Variants in TSGA10 observed in about 807,000 individuals in gnomAD.
The protein encoded by TSGA10 is testis-specific gene 10 protein.
Under a neutral mutation model 96.6 loss-of-function variants are expected in TSGA10, and 43 were observed. That is an observed-to-expected ratio of 0.44 (90% CI 0.35 to 0.57). TSGA10 has a LOEUF of 0.57. Ranked by LOEUF, TSGA10 falls within the 20% of genes least tolerant of loss-of-function variation. TSGA10 has a pLI of 0.01. For missense variants in TSGA10, 703 were observed against 834.4 expected (o/e 0.84, Z 1.94); for synonymous variants, 229 against 269.9 (o/e 0.85, Z 1.48).
chr2:99,058,046 T>A (rs184525975), intron 16 of TSGA10, among the ~76,000 whole-genome samples: 3 of 152,122 alleles, frequency 2.0e-5, no homozygotes, highest in Non-Finnish European at 1.5e-5. Flanking sequence ...GATAACTAGA[T>A]GGACACATGC....
intron 10 of TSGA10, among the ~76,000 whole-genome samples, chr2:99,100,989 C>G (rs529378251): frequency 5.4e-4 from 75 of 138,854 alleles, no homozygotes; most frequent in African/African-American, 1.8e-3. Context: ...TTAGGCTGGG[C>G]GCGGTGGCTC....
intron 1 of TSGA10, among the ~76,000 whole-genome samples, chr2:99,149,261 C>T (rs1372592159): frequency 6.6e-6 from 1 of 151,670 alleles, no homozygotes; most frequent in Non-Finnish European, 1.5e-5. Context: ...TTGGGTAGAT[C>T]ACTCTTCTCC....
chr2:99,102,155 T>TA, intron 10 of TSGA10: 1 of 1,501,626 alleles, frequency 6.7e-7, no homozygotes, highest in Non-Finnish European at 9.3e-7. Flanking sequence ...AGCTGATGAA[T>TA]ATACTTGAAC....
At position 99,018,085 on chromosome 2, in the gene TSGA10, A is replaced by G. The variant is rs1452227601; in HGVS notation, c.2072+115T>C. On this transcript the variant is annotated intron_variant, in intron 20 of 20. Coordinates refer to ENST00000393483, the MANE Select transcript of TSGA10 (RefSeq NM_025244.4). ...TTTATATCAATATATCTTGGTAATC[A>G]TGTTTAAATATCACTATTAAAGATA... is the stretch of plus-strand genomic sequence containing the variant. 4 of 931,460 alleles carry G rather than the reference A, an allele frequency of 4.3e-6. No homozygotes were observed. In the East Asian group the frequency reaches 1.1e-4, roughly 25 times the overall value. The allele number at this position is 931,460 out of a possible 1,614,324, so 57.7% of individuals were successfully genotyped here.
At chr2:99,044,720 A>T (rs924226353) in intron 16 of TSGA10, among the ~76,000 whole-genome samples, 22 of 152,286 alleles carry the variant, frequency 1.4e-4, no homozygotes. Context: ...AAATCAACAG[A>T]ATATACATTC....
At chr2:99,068,744 T>C (rs1393539462) in intron 15 of TSGA10, 144 bp downstream of exon 15, 1 of 398,790 alleles carries the variant, frequency 2.5e-6, no homozygotes, top group Non-Finnish European at 4.6e-6. Flanking sequence ...TCTAAATATG[T>C]AGTTAACCCA....
At chr2:99,064,773 A>C (rs1328824441) in intron 16 of TSGA10, among the ~76,000 whole-genome samples, 166 bp downstream of exon 16, 1 of 152,228 alleles carries the variant, frequency 6.6e-6, no homozygotes, top group African/African-American at 2.4e-5. Context: ...GGTAGATAAG[A>C]GATTGTAGAA....
intron 20 of TSGA10, among the ~76,000 whole-genome samples, chr2:99,007,309 A>G (rs565559506): frequency 6.6e-6 from 1 of 152,326 alleles, no homozygotes; most frequent in South Asian, 2.1e-4. Flanking sequence ...AATAAAAAAG[A>G]GTGTAAATTT....
intron 10 of TSGA10, among the ~76,000 whole-genome samples, chr2:99,101,545 G>C (rs1226452126): frequency 1.3e-5 from 2 of 151,690 alleles, no homozygotes; most frequent in African/African-American, 4.8e-5. Flanking sequence ...TTGAAGGCAG[G>C]TCATTAGAAA....
chr2:99,078,958 T>TA (rs1219268610), intron 11 of TSGA10, 145 bp from the exon 12 acceptor site: 1 of 653,908 alleles, frequency 1.5e-6, no homozygotes. Flanking sequence ...TATCCCAAAT[T>TA]AAAAAAATTT....
chr2:99,073,145 AAG>A (rs2086183088), intron 12 of TSGA10, 72 bp from the exon 13 acceptor site: 2 of 1,051,366 alleles, frequency 1.9e-6, no homozygotes, highest in Middle Eastern at 2.9e-4. Flanking sequence ...AATGAACAAA[AAG>A]AAAATTTCCC....
chr2:99,020,503 A>T, intron 17 of TSGA10, 21 bp from the exon 18 acceptor site: 1 of 1,532,066 alleles, frequency 6.5e-7, no homozygotes, highest in African/African-American at 1.4e-5. Flanking sequence ...ACAAGAAGAT[A>T]TCTACACTTA....
At chr2:99,098,264 T>C (rs995431031) in intron 10 of TSGA10, among the ~76,000 whole-genome samples, 9 of 151,298 alleles carry the variant, frequency 5.9e-5, no homozygotes, top group Admixed American at 2.6e-4. Context: ...GATGAAACCC[T>C]GTCTCTACTA....
At chr2:99,078,983 T>C in intron 11 of TSGA10, 170 bp from the exon 12 acceptor site, 1 of 474,196 alleles carries the variant, frequency 2.1e-6, no homozygotes, top group South Asian at 5.3e-5. Context: ...GGTTAAAAAC[T>C]ACAGTGAATC....
At chr2:99,018,773 T>C in intron 18 of TSGA10, 133 bp from the exon 19 acceptor site, 1 of 715,636 alleles carries the variant, frequency 1.4e-6, no homozygotes, top group Non-Finnish European at 2.2e-6. Context: ...TGGCCAGATT[T>C]ATTAGTACAT....
At chr2:99,012,063 T>C (rs2079053439) in intron 20 of TSGA10, among the ~76,000 whole-genome samples, 1 of 152,216 alleles carries the variant, frequency 6.6e-6, no homozygotes, top group African/African-American at 2.4e-5. Context: ...AAGAATTTTG[T>C]ATCCAGCAAA....
chr2:99,059,045 A>T lies in TSGA10; in HGVS notation c.1404+5894T>A, dbSNP rs555468230. On this transcript the variant is annotated intron_variant, in intron 16 of 20. Transcript: ENST00000393483. ...AGTGAGACTCTGTCTCAAAAAAAAA[A>T]AATAATATATATATATATATATATT... 7.7e-3 allele frequency among the ~76,000 whole-genome samples: 915 copies of T among 119,594 alleles called. 6 individuals are homozygous for T. The highest frequency in any genetic ancestry group is 9.0e-3 in the Non-Finnish European group (557 of 61,854). The allele number at this position is 119,594 out of a possible 152,430, so 78.5% of individuals were successfully genotyped here. A position where few individuals can be genotyped will look rare whatever the true frequency, so the allele number is the denominator to read the frequency against.
intron 4 of TSGA10, among the ~76,000 whole-genome samples, chr2:99,114,964 C>T (rs1039040575): frequency 2.6e-5 from 4 of 152,142 alleles, no homozygotes; most frequent in African/African-American, 9.7e-5. Context: ...GATAAAGAGT[C>T]TCACTCTTTT....
chr2:99,104,635 T>C (rs1301038509), intron 9 of TSGA10, among the ~76,000 whole-genome samples: 1 of 152,068 alleles, frequency 6.6e-6, no homozygotes, highest in Non-Finnish European at 1.5e-5. Context: ...CCACCACACC[T>C]GGCAAATTTT....
Sources: allele counts gnomAD v4.1 joint callset (sites outside exome capture counted in the v4.1 genomes callset), GRCh38; gene constraint gnomAD v4.1.1; transcripts MANE v1.5; gene names NCBI Gene and HGNC (gene_info 2026-07-23, HGNC 2026-07-21).